Variants in AFAP1 observed in about 807,000 individuals in gnomAD.
AFAP1 encodes the protein actin filament associated protein 1.
In AFAP1, 75 loss-of-function variants were observed where a neutral mutation model predicts 93.9. That is an observed-to-expected ratio of 0.80 (90% CI 0.66 to 0.97). The LOEUF (loss-of-function observed/expected upper bound fraction) is 0.97, where lower values mean the gene tolerates loss of function less well. Ranked by LOEUF, AFAP1 falls within the 50% of genes least tolerant of loss-of-function variation. The probability of loss-of-function intolerance (pLI) is 0.00; values close to 1 mark genes in which losing one functional copy is unlikely to be tolerated. For missense variants in AFAP1, 1,201 were observed against 1,050.8 expected, an observed-to-expected ratio of 1.14 and a Z score of -1.98; for synonymous variants, 517 against 430.7, an observed-to-expected ratio of 1.20 and a Z score of -2.48.
chr4:7,787,862 C>T (rs1227184401), intron 11 of AFAP1, among the ~76,000 whole-genome samples: 1 of 152,182 alleles, frequency 6.6e-6, no homozygotes, highest in African/African-American at 2.4e-5. Context: ...CCTGGGTGCC[C>T]CGGCACTCCC....
chr4:7,809,965 C>T (rs1719868094), intron 8 of AFAP1, among the ~76,000 whole-genome samples: 1 of 152,132 alleles, frequency 6.6e-6, no homozygotes, highest in Admixed American at 6.5e-5. Flanking sequence ...CACAACTGAT[C>T]CTCCCACCTT....
chr4:7,846,222 G>A (rs2149122488), intron 4 of AFAP1, among the ~76,000 whole-genome samples: 1 of 152,350 alleles, frequency 6.6e-6, no homozygotes, highest in East Asian at 1.9e-4. Flanking sequence ...TTCTACCCTT[G>A]ACTTGAATGG....
chr4:7,789,774 T>G (rs536939621), intron 11 of AFAP1, among the ~76,000 whole-genome samples: 1 of 134,378 alleles, frequency 7.4e-6, no homozygotes, highest in African/African-American at 2.9e-5. Context: ...CATCTCCCCA[T>G]GCTCCGCACC....
intron 8 of AFAP1, among the ~76,000 whole-genome samples, chr4:7,811,710 C>A (rs1290077599): frequency 6.6e-6 from 1 of 152,146 alleles, no homozygotes; most frequent in Non-Finnish European, 1.5e-5. Flanking sequence ...GGGGAGCCGC[C>A]TTGGAGGAAG....
At chr4:7,894,509 G>T (rs1006935471) in intron 1 of AFAP1, among the ~76,000 whole-genome samples, 22 of 152,320 alleles carry the variant, frequency 1.4e-4, no homozygotes, top group African/African-American at 5.1e-4. Flanking sequence ...CCTGGTGACG[G>T]CGGCAACCCC....
At chr4:7,814,116 A>T (rs967482089) in intron 8 of AFAP1, among the ~76,000 whole-genome samples, 3 of 152,236 alleles carry the variant, frequency 2.0e-5, no homozygotes, top group Non-Finnish European at 4.4e-5. Context: ...TATACATCCA[A>T]AACACATCTG....
chr4:7,871,806 G>A lies in AFAP1; in HGVS notation c.127+146C>T, dbSNP rs1294713228. 4 of 1,171,762 alleles carry A rather than the reference G, an allele frequency of 3.4e-6. No homozygotes were observed. The Admixed American group carries it at 9.8e-5, about 29-fold the overall frequency. The allele number at this position is 1,171,762 out of a possible 1,614,324, so 72.6% of individuals were successfully genotyped here. On this transcript the variant is annotated intron_variant, in intron 2 of 17. Transcript: ENST00000420658. ...GGCTAACACAGAACTTGGCACAAGTGTAAACCCTCAATGAAAACTTGATGA... is the reference window on the plus strand; with the variant it reads ...GGCTAACACAGAACTTGGCACAAGTATAAACCCTCAATGAAAACTTGATGA...
chr4:7,872,688 A>C (rs1365446429), intron 1 of AFAP1, among the ~76,000 whole-genome samples: 3 of 152,190 alleles, frequency 2.0e-5, no homozygotes, highest in South Asian at 2.1e-4. Flanking sequence ...GGCTTAGGTC[A>C]GCAGTTTGTA....
intron 3 of AFAP1, among the ~76,000 whole-genome samples, chr4:7,861,550 T>C (rs534413420): frequency 5.9e-5 from 9 of 152,238 alleles, no homozygotes; most frequent in Non-Finnish European, 1.2e-4. Flanking sequence ...TTGTCTCACA[T>C]ATTTTCTTAA....
At chr4:7,829,032 T>TTC (rs1309403526) in intron 6 of AFAP1, among the ~76,000 whole-genome samples, 1 of 152,186 alleles carries the variant, frequency 6.6e-6, no homozygotes, top group African/African-American at 2.4e-5. Flanking sequence ...ATCTGATGCT[T>TTC]TTATAAGGGG....
intron 1 of AFAP1, among the ~76,000 whole-genome samples, chr4:7,891,714 G>A (rs921036611): frequency 1.4e-5 from 2 of 138,626 alleles, no homozygotes; most frequent in Non-Finnish European, 1.6e-5. Context: ...GAAAGAAAAG[G>A]AAGGTTGAAC....
intron 4 of AFAP1, among the ~76,000 whole-genome samples, chr4:7,848,128 G>GAAGGAAGGAAGGAAGGAAGTAAGTAAGT (rs1377379539): frequency 9.9e-5 from 11 of 110,964 alleles, no homozygotes; most frequent in African/African-American, 3.7e-4. Context: ...AGGAAGGAAG[G>GAAGGAAGGAAGGAAGGAAGTAAGTAAGT]GAGTGAGTGA....
intron 1 of AFAP1, among the ~76,000 whole-genome samples, chr4:7,872,949 A>ATTTTTTT (rs1560213677): frequency 8.0e-5 from 12 of 149,510 alleles, no homozygotes; most frequent in African/African-American, 2.2e-4. Flanking sequence ...TAAAAAAAAA[A>ATTTTTTT]AAAAAAAAAA....
chr4:7,879,917 G>A (rs989463326), intron 1 of AFAP1, among the ~76,000 whole-genome samples: 1 of 151,896 alleles, frequency 6.6e-6, no homozygotes, highest in Non-Finnish European at 1.5e-5. Context: ...GGCCTGCCTC[G>A]GCCTCCCAAA....
intron 10 of AFAP1, among the ~76,000 whole-genome samples, 161 bp from the exon 11 acceptor site, chr4:7,793,987 G>A (rs976026853): frequency 2.0e-5 from 3 of 152,218 alleles, no homozygotes; most frequent in African/African-American, 2.4e-5. Flanking sequence ...TTAACGTCAC[G>A]TTCGCAGCAG....
chr4:7,792,429 T>A (rs567397948), intron 11 of AFAP1, among the ~76,000 whole-genome samples: 1 of 152,290 alleles, frequency 6.6e-6, no homozygotes, highest in African/African-American at 2.4e-5. Flanking sequence ...CCACGGCAGA[T>A]GCAAATTTTC....
chr4:7,904,021 C>A (rs1303099929), intron 1 of AFAP1, among the ~76,000 whole-genome samples: 1 of 151,742 alleles, frequency 6.6e-6, no homozygotes, highest in African/African-American at 2.4e-5. Context: ...TCTGTGCCTG[C>A]ACACGTGCAA....
At chr4:7,872,715 T>C (rs1016573918) in intron 1 of AFAP1, among the ~76,000 whole-genome samples, 3 of 152,124 alleles carry the variant, frequency 2.0e-5, no homozygotes, top group Non-Finnish European at 2.9e-5. Flanking sequence ...GATCTTAGCC[T>C]CTGGGGATGT....
intron 1 of AFAP1, among the ~76,000 whole-genome samples, chr4:7,938,313 C>A (rs573395024): frequency 1.3e-5 from 2 of 152,316 alleles, no homozygotes; most frequent in South Asian, 4.1e-4. Flanking sequence ...TCAGAAAGAA[C>A]TTCAGGTTGG....
Sources: gnomAD v4.1 joint callset for allele counts (sites outside exome capture counted in the v4.1 genomes callset) on GRCh38, gnomAD v4.1.1 for gene constraint, MANE v1.5 for transcripts, NCBI Gene and HGNC (gene_info 2026-07-23, HGNC 2026-07-21) for gene names.